The following BRIP1 variants were observed in gnomAD, a reference collection of about 807,000 sequenced individuals.
The protein encoded by BRIP1 is BRCA1 interacting DNA helicase 1, also known as Fanconi anemia group J protein.
Under a neutral mutation model 119.7 loss-of-function variants are expected in BRIP1, and 88 were observed. The observed-to-expected ratio is 0.74, with a 90% CI of 0.62 to 0.88. The LOEUF (loss-of-function observed/expected upper bound fraction) is 0.88, where lower values mean the gene tolerates loss of function less well. BRIP1 is among the 40% of genes least tolerant of loss of function. The pLI, the probability that BRIP1 is intolerant of heterozygous loss-of-function variation, is 0.00. For synonymous variants in BRIP1, 443 were observed against 496.5 expected (o/e 0.89, Z 1.43); for missense variants, 1,259 against 1,455.4 (o/e 0.87, Z 2.20).
chr17:61,784,463 A>T, intron 10 of BRIP1, 39 bp from the exon 11 acceptor site: 4 of 1,568,370 alleles, frequency 2.6e-6, no homozygotes, highest in Non-Finnish European at 3.5e-6. Context: ...AGGGGTTGGG[A>T]GGGAATTGGA....
intron 6 of BRIP1, among the ~76,000 whole-genome samples, chr17:61,836,745 T>C (rs1218474052): frequency 6.6e-6 from 1 of 152,168 alleles, no homozygotes; most frequent in Admixed American, 6.5e-5. Context: ...TGGGTAAGCA[T>C]TGTAAATGCT....
chr17:61,706,294 G>C lies in BRIP1; in HGVS notation c.2492+9657C>G, dbSNP rs2061689673. ...TCTACCTGCTAGTGTTGACTTTTCA[G>C]AGTTCTCAAACAGCTACTCCACATA... On this transcript the variant is annotated intron_variant, in intron 17 of 19. Coordinates refer to ENST00000259008, the MANE Select transcript of BRIP1 (RefSeq NM_032043.3). The surrounding 1 kb of genome is among the most constrained non-coding windows in gnomAD (Gnocchi z 5.7). Among the ~76,000 whole-genome samples the C allele has an allele frequency of 6.6e-6, 1 of 152,200 alleles. No individual in the cohort carries two copies. The highest frequency in any genetic ancestry group is 1.5e-5 in the Non-Finnish European group (1 of 67,972).
In BRIP1 at chr17:61,726,268, G is replaced by T. The variant is rs955600495; in HGVS notation, c.2380-10205C>A. On this transcript the variant is annotated intron_variant, in intron 16 of 19. Transcript: ENST00000259008. This position sits in a 1 kb window ranked among gnomAD's most constrained non-coding sequence, Gnocchi z 6.2. ...GACTGTGTGCCAACCTTACCTTAGA[G>T]AATTGGTTGAAGAAATAAATGACAA... 1.3e-5 allele frequency among the ~76,000 whole-genome samples: 2 copies of T among 152,178 alleles called. No individual in the cohort carries two copies. The highest frequency in any genetic ancestry group is 2.9e-5 in the Non-Finnish European group (2 of 68,044).
rs73326602 is a variant in BRIP1 at position 61,679,705 on chromosome 17, T to A, written c.*3591A>T. On this transcript the variant is annotated 3_prime_UTR_variant, in exon 20 of 20. Coordinates refer to ENST00000259008, the MANE Select transcript of BRIP1 (RefSeq NM_032043.3). The surrounding 1 kb of genome is among the most constrained non-coding windows in gnomAD (Gnocchi z 4.4). ...GGGTGCACTCCAGATATATGATTCATCTACTAATTAATAATGAATAACTTG... is the reference window on the plus strand; with the variant it reads ...GGGTGCACTCCAGATATATGATTCAACTACTAATTAATAATGAATAACTTG... Among the ~76,000 whole-genome samples, 93 of 152,340 alleles carry A rather than the reference T, an allele frequency of 6.1e-4. No individual in the cohort carries two copies. The highest frequency in any genetic ancestry group is 2.1e-3 in the African/African-American group (88 of 41,590).
rs1399393312 is a variant in BRIP1 at position 61,796,753 on chromosome 17, G to A, written c.1340+2347C>T. Among the ~76,000 whole-genome samples the A allele has an allele frequency of 6.6e-6, 1 of 152,058 alleles. No individual in the cohort carries two copies. Among genetic ancestry groups the A allele is most frequent in the Non-Finnish European group, 1.5e-5 (1 of 67,964 alleles). ...AAGCTAGAATTGATTACTGGAGAAA[G>A]ATGAGTGAAAGTAGAGACCTGTTAG... On this transcript the variant is annotated intron_variant, in intron 9 of 19. Transcript: ENST00000259008. This position sits in a 1 kb window ranked among gnomAD's most constrained non-coding sequence, Gnocchi z 4.8.
chr17:61,729,014 C>T lies in BRIP1; in HGVS notation c.2380-12951G>A, dbSNP rs112841282. 2.4e-4 allele frequency among the ~76,000 whole-genome samples: 37 copies of T among 152,188 alleles called. No individual in the cohort carries two copies. The highest frequency in any genetic ancestry group is 6.7e-4 in the African/African-American group (28 of 41,520). On this transcript the variant is annotated intron_variant, in intron 16 of 19. Transcript: ENST00000259008. This position sits in a 1 kb window ranked among gnomAD's most constrained non-coding sequence, Gnocchi z 5.6. ...CTAAAGTTCAAAACAGAAAGGAGGA[C>T]GGGCGGCTGTAACCCCAGCACTTTG...
chr17:61,848,980 A>T lies in BRIP1; in HGVS notation c.507+149T>A. On this transcript the variant is annotated intron_variant, in intron 5 of 19. Transcript: ENST00000259008. This position sits in a 1 kb window ranked among gnomAD's most constrained non-coding sequence, Gnocchi z 4.3. Reference sequence around the variant, plus strand: ...ATAATAAACTCCTTTGTAACAAGTAACTCTACAAAATGAAATTACAACAAA... The same window carrying T: ...ATAATAAACTCCTTTGTAACAAGTATCTCTACAAAATGAAATTACAACAAA... 3.3e-6 allele frequency: 3 copies of T among 902,780 alleles called. No homozygotes were observed. In the Admixed American group the frequency reaches 6.4e-5, roughly 19 times the overall value. The allele number at this position is 902,780 out of a possible 1,614,324, so 55.9% of individuals were successfully genotyped here.
chr17:61,801,624 T>G lies in BRIP1; in HGVS notation c.919-150A>C, dbSNP rs1008311137. ...ACCACACCTGGCTAATTTTTTGTCT[T>G]TTTTGAGACAATACCATAGCTACAA... On this transcript the variant is annotated intron_variant, in intron 7 of 19. Coordinates refer to ENST00000259008, the MANE Select transcript of BRIP1 (RefSeq NM_032043.3). 4.2e-6 allele frequency: 3 copies of G among 709,822 alleles called. No homozygotes were observed. In the African/African-American group the frequency reaches 5.3e-5, roughly 13 times the overall value. 44.0% of individuals were successfully genotyped at this position (709,822 alleles called of 1,614,324 possible).
rs74577604 is a variant in BRIP1, at chr17:61,803,026, C to T, written c.919-1552G>A. On this transcript the variant is annotated intron_variant, in intron 7 of 19. Coordinates refer to ENST00000259008, the MANE Select transcript of BRIP1 (RefSeq NM_032043.3). This position sits in a 1 kb window ranked among gnomAD's most constrained non-coding sequence, Gnocchi z 4.3. Reference sequence around the variant, plus strand: ...TTTAACATAGTGTTGTATGAATAGTCTAACAAGGTTCAATAGTAATTTGTG... The same window carrying T: ...TTTAACATAGTGTTGTATGAATAGTTTAACAAGGTTCAATAGTAATTTGTG... Among the ~76,000 whole-genome samples the T allele has an allele frequency of 5.6e-3, 845 of 151,726 alleles. 9 individuals are homozygous for T. Among genetic ancestry groups the T allele is most frequent in the African/African-American group, 0.019 (795 of 41,420 alleles).
At chr17:61,714,707 G>T (rs2061831396) in intron 17 of BRIP1, among the ~76,000 whole-genome samples, 1 of 151,978 alleles carries the variant, frequency 6.6e-6, no homozygotes, top group East Asian at 1.9e-4. Flanking sequence ...AGAATATTTA[G>T]AAGTCGGAGT....
chr17:61,711,396 T>A (rs549950737), intron 17 of BRIP1, among the ~76,000 whole-genome samples: 3 of 151,458 alleles, frequency 2.0e-5, no homozygotes, highest in East Asian at 1.9e-4. Context: ...AAAAAAAAAA[T>A]GTCAATCAGC....
intron 11 of BRIP1, 107 bp from the exon 12 acceptor site, chr17:61,781,112 G>C: frequency 3.0e-6 from 3 of 987,286 alleles, no homozygotes; most frequent in Non-Finnish European, 4.6e-6. Context: ...GAAAGAGCTG[G>C]TACCTTCCCA....
In BRIP1 at chr17:61,710,388, G is replaced by T. The variant is rs2061752995; in HGVS notation, c.2492+5563C>A. On this transcript the variant is annotated intron_variant, in intron 17 of 19. Coordinates refer to ENST00000259008, the MANE Select transcript of BRIP1 (RefSeq NM_032043.3). This position sits in a 1 kb window ranked among gnomAD's most constrained non-coding sequence, Gnocchi z 5.4. ...AACAACGTAACACATGTTCAAGGAAGAAAACAGATAGGCTATTACAATACA... is the reference window on the plus strand; with the variant it reads ...AACAACGTAACACATGTTCAAGGAATAAAACAGATAGGCTATTACAATACA... 6.6e-6 allele frequency among the ~76,000 whole-genome samples: 1 copy of T among 152,060 alleles called. No homozygotes were observed. The highest frequency in any genetic ancestry group is 1.5e-5 in the Non-Finnish European group (1 of 68,006).
Position 61,780,878 on chromosome 17 carries a change from C to G in BRIP1, c.1756G>C (p.Val586Leu), listed in dbSNP as rs1567813429. ...AAGCACCAAAAGTTTAGCACATGAA[C>G]TGCAGTTTTCTGTCGTGAACGTTTC... ...NKKRSRQKTA[V>L]HVLNFWCLNP... The change falls in exon 12 of 20, where the codon GTT becomes CTT. Residue 586 changes from valine (V) to leucine (L), a missense_variant. Val to Leu is a conservative substitution (Grantham distance 32, BLOSUM62 1). This residue lies in a region of BRIP1 where 753 missense variants were observed against 891.8 expected (regional missense o/e 0.84). Transcript: ENST00000259008. This position sits in a 1 kb window ranked among gnomAD's most constrained non-coding sequence, Gnocchi z 5.4. The G allele has an allele frequency of 6.2e-7, 1 of 1,614,194 alleles. No homozygotes were observed. Among genetic ancestry groups the G allele is most frequent in the Non-Finnish European group, 8.5e-7 (1 of 1,180,028 alleles).
intron 6 of BRIP1, among the ~76,000 whole-genome samples, chr17:61,817,590 C>T (rs934942724): frequency 6.6e-6 from 1 of 152,146 alleles, no homozygotes; most frequent in Non-Finnish European, 1.5e-5. Context: ...TCTGTGATGA[C>T]AGCGTATTTG....
rs2078893077 is a variant in BRIP1, at chr17:61,856,127, C to A, written c.379+931G>T. Reference sequence around the variant, plus strand: ...AAGGAAAGGGAAGAAATCCAAAAGGCCAAAATCAAAACAATGTAGACAACA... The same window carrying A: ...AAGGAAAGGGAAGAAATCCAAAAGGACAAAATCAAAACAATGTAGACAACA... On this transcript the variant is annotated intron_variant, in intron 4 of 19. Coordinates refer to ENST00000259008, the MANE Select transcript of BRIP1 (RefSeq NM_032043.3). The surrounding 1 kb of genome is among the most constrained non-coding windows in gnomAD (Gnocchi z 5.1). Among the ~76,000 whole-genome samples, 1 of 152,096 alleles carries A rather than the reference C, an allele frequency of 6.6e-6. No homozygotes were observed. The highest frequency in any genetic ancestry group is 1.9e-4 in the East Asian group (1 of 5,184).
chr17:61,701,340 A>G lies in BRIP1; in HGVS notation c.2493-7828T>C, dbSNP rs977193435. On this transcript the variant is annotated intron_variant, in intron 17 of 19. Coordinates refer to ENST00000259008, the MANE Select transcript of BRIP1 (RefSeq NM_032043.3). The surrounding 1 kb of genome is among the most constrained non-coding windows in gnomAD (Gnocchi z 5.1). ...TCTAAAATAATCTTGTAAAGTCTGTATTGTCATGTGTGGTCATTGAAGACT... is the reference window on the plus strand; with the variant it reads ...TCTAAAATAATCTTGTAAAGTCTGTGTTGTCATGTGTGGTCATTGAAGACT... Among the ~76,000 whole-genome samples, 6 of 152,188 alleles carry G rather than the reference A, an allele frequency of 3.9e-5. No individual in the cohort carries two copies. Among genetic ancestry groups the G allele is most frequent in the Admixed American group, 3.9e-4 (6 of 15,274 alleles).
At position 61,795,487 on chromosome 17, in the gene BRIP1, A is replaced by T. The variant is rs956637413; in HGVS notation, c.1341-1758T>A. Reference sequence around the variant, plus strand: ...GTTTTCATTTTTAGATCCCACAAATAAGTGAGAATATGTGATATTTGTCTT... The same window carrying T: ...GTTTTCATTTTTAGATCCCACAAATTAGTGAGAATATGTGATATTTGTCTT... On this transcript the variant is annotated intron_variant, in intron 9 of 19. Coordinates refer to ENST00000259008, the MANE Select transcript of BRIP1 (RefSeq NM_032043.3). This position sits in a 1 kb window ranked among gnomAD's most constrained non-coding sequence, Gnocchi z 5.6. Among the ~76,000 whole-genome samples the T allele has an allele frequency of 6.6e-6, 1 of 152,040 alleles. No individual in the cohort carries two copies. The highest frequency in any genetic ancestry group is 1.5e-5 in the Non-Finnish European group (1 of 67,980).
At chr17:61,728,732 T>C (rs927462145) in intron 16 of BRIP1, among the ~76,000 whole-genome samples, 2 of 152,038 alleles carry the variant, frequency 1.3e-5, no homozygotes, top group Non-Finnish European at 2.9e-5. Flanking sequence ...ATGATAGCAG[T>C]TATTGGATGA....
Sources: allele counts gnomAD v4.1 joint callset (sites outside exome capture counted in the v4.1 genomes callset), GRCh38; gene constraint gnomAD v4.1.1; regional missense constraint gnomAD v4.1.1; non-coding constraint Gnocchi (gnomAD v3.1); transcripts MANE v1.5; gene names NCBI Gene and HGNC (gene_info 2026-07-23, HGNC 2026-07-21).